Variants in DOCK2 observed in about 807,000 individuals in gnomAD.
The protein encoded by DOCK2 is dedicator of cytokinesis 2.
A neutral mutation model predicts 248.9 loss-of-function variants in DOCK2; 87 were observed. The observed-to-expected ratio is 0.35, with a 90% CI of 0.29 to 0.42. The LOEUF (loss-of-function observed/expected upper bound fraction) is 0.42, where lower values mean the gene tolerates loss of function less well. Ranked by LOEUF, DOCK2 falls within the 10% of genes least tolerant of loss-of-function variation. DOCK2 has a pLI of 1.00. For missense variants in DOCK2, 1,747 were observed against 2,300.2 expected (o/e 0.76, Z 4.92); for synonymous variants, 805 against 821.6 (o/e 0.98, Z 0.35).
chr5:169,969,880 C>G (rs1777437968), intron 27 of DOCK2, among the ~76,000 whole-genome samples: 1 of 152,252 alleles, frequency 6.6e-6, no homozygotes, highest in African/African-American at 2.4e-5. Context: ...GCTGGATCTT[C>G]CAAATGTCCA....
At chr5:169,883,955 AG>A (rs35400869) in intron 27 of DOCK2, 2 of 1,404,056 alleles carry the variant, frequency 1.4e-6, no homozygotes, top group East Asian at 5.0e-5. Flanking sequence ...ATCTCCCCTT[AG>A]GTCTTTGGAG....
chr5:169,819,099 G>A lies in DOCK2; in HGVS notation c.2703+15893G>A, dbSNP rs56248901. Among the ~76,000 whole-genome samples the A allele has an allele frequency of 4.9e-3, 750 of 152,306 alleles. 8 individuals carry two copies. The highest frequency in any genetic ancestry group is 9.2e-3 in the Non-Finnish European group (625 of 68,028). On this transcript the variant is annotated intron_variant, in intron 26 of 51. Coordinates refer to ENST00000520908, the MANE Select transcript of DOCK2 (RefSeq NM_004946.3). ...ATGACATGATTCAGTGAAGGTAAGT[G>A]TAGTTAACCTTTCCAGAAATACCCG...
At chr5:170,035,323 A>C (rs1170151329) in intron 35 of DOCK2, among the ~76,000 whole-genome samples, 1 of 152,188 alleles carries the variant, frequency 6.6e-6, no homozygotes, top group Non-Finnish European at 1.5e-5. Context: ...CCTCCCTACC[A>C]TTCCCAAGGC....
At chr5:170,048,493 T>TA (rs1411026036) in intron 40 of DOCK2, among the ~76,000 whole-genome samples, 4 of 152,192 alleles carry the variant, frequency 2.6e-5, no homozygotes, top group African/African-American at 9.6e-5. Flanking sequence ...TATTTTCCAA[T>TA]AAAAAATCAG....
intron 27 of DOCK2, among the ~76,000 whole-genome samples, chr5:169,917,383 A>AT (rs1314495560): frequency 5.9e-5 from 9 of 152,030 alleles, no homozygotes; most frequent in Non-Finnish European, 8.8e-5. Flanking sequence ...TTGCTTAGAG[A>AT]TTTTTTTCCA....
At chr5:170,062,751 C>T (rs1757375409) in intron 44 of DOCK2, among the ~76,000 whole-genome samples, 1 of 152,152 alleles carries the variant, frequency 6.6e-6, no homozygotes, top group Non-Finnish European at 1.5e-5. Context: ...TGCACATGAA[C>T]TTTCAGGCAT....
rs562285656 is a variant in DOCK2 at position 169,948,210 on chromosome 5, C to A, written c.2800-34858C>A. ...AGTTATTTGTCTGCTGTGACCTAGG[C>A]TCTGAAGATACTGTGGGGAACAGTG... On this transcript the variant is annotated intron_variant, in intron 27 of 51. Coordinates refer to ENST00000520908, the MANE Select transcript of DOCK2 (RefSeq NM_004946.3). Among the ~76,000 whole-genome samples the A allele has an allele frequency of 5.5e-4, 83 of 152,254 alleles. No individual in the cohort carries two copies. The Middle Eastern group carries it at 0.02, about 37-fold the overall frequency.
At chr5:169,856,435 CT>C (rs1331066941) in intron 27 of DOCK2, among the ~76,000 whole-genome samples, 2 of 152,086 alleles carry the variant, frequency 1.3e-5, no homozygotes. Context: ...TGAGGTTCAT[CT>C]GAGATTTTTG....
intron 27 of DOCK2, among the ~76,000 whole-genome samples, chr5:169,970,432 A>G (rs1289132124): frequency 6.6e-6 from 1 of 152,238 alleles, no homozygotes; most frequent in African/African-American, 2.4e-5. Context: ...AAGAACAATC[A>G]CTTTGTTTGT....
chr5:169,802,435 T>C, intron 25 of DOCK2, among the ~76,000 whole-genome samples: 1 of 152,224 alleles, frequency 6.6e-6, no homozygotes, highest in Non-Finnish European at 1.5e-5. Flanking sequence ...TTGTACTGTC[T>C]GTACCAGAGA....
intron 27 of DOCK2, among the ~76,000 whole-genome samples, chr5:169,949,229 G>A (rs1264363732): frequency 6.6e-6 from 1 of 152,156 alleles, no homozygotes; most frequent in African/African-American, 2.4e-5. Flanking sequence ...CGACTACTAT[G>A]TGCAGAATGT....
At chr5:169,831,289 C>G (rs1191381182) in intron 26 of DOCK2, among the ~76,000 whole-genome samples, 2 of 151,946 alleles carry the variant, frequency 1.3e-5, no homozygotes, top group African/African-American at 2.4e-5. Flanking sequence ...GGATATTTTT[C>G]CAGGTCAAGA....
At chr5:169,773,845 G>A (rs561668020) in intron 25 of DOCK2, among the ~76,000 whole-genome samples, 1 of 152,254 alleles carries the variant, frequency 6.6e-6, no homozygotes, top group South Asian at 2.1e-4. Context: ...TCTCATGGTA[G>A]TGAATAAGTC....
chr5:169,922,793 A>G (rs111530354), intron 27 of DOCK2, among the ~76,000 whole-genome samples: 45 of 152,322 alleles, frequency 3.0e-4, no homozygotes, highest in African/African-American at 9.1e-4. Context: ...TTGATTGGAT[A>G]TAACCTACAT....
At position 169,711,934 on chromosome 5, in the gene DOCK2, G is replaced by T; in HGVS notation, c.1483-1G>T. 3 of 1,613,932 alleles carry T rather than the reference G, an allele frequency of 1.9e-6. No individual in the cohort carries two copies. The highest frequency in any genetic ancestry group is 2.5e-6 in the Non-Finnish European group (3 of 1,179,940). On this transcript the variant is annotated splice_acceptor_variant, in intron 15 of 51. Coordinates refer to ENST00000520908, the MANE Select transcript of DOCK2 (RefSeq NM_004946.3). LOFTEE classifies it high-confidence loss of function. ...TCTGAGCTCTGTTTCTGTCTGCTGA[G>T]GTGGCTGTCCCTATTGAAGACATGC...
chr5:169,879,178 G>A (rs1772495538), intron 27 of DOCK2, among the ~76,000 whole-genome samples: 1 of 152,152 alleles, frequency 6.6e-6, no homozygotes, highest in African/African-American at 2.4e-5. Context: ...AGACCCAGTG[G>A]GCAATCCATC....
rs1248380098 is a variant in DOCK2 at position 169,800,944 on chromosome 5, C to CTTTCTTTT, written c.2555-2111_2555-2110insCTTTTTTT. 5.2e-3 allele frequency among the ~76,000 whole-genome samples: 275 copies of CTTTCTTTT among 53,184 alleles called. 24 individuals carry two copies. The highest frequency in any genetic ancestry group is 0.02 in the African/African-American group (142 of 7,152). 34.9% of individuals were successfully genotyped at this position (53,184 alleles called of 152,430 possible). On this transcript the variant is annotated intron_variant, in intron 25 of 51. Coordinates refer to ENST00000520908, the MANE Select transcript of DOCK2 (RefSeq NM_004946.3). The stretch of plus-strand genomic sequence containing the variant: ...TTTTTCTTTTTTCTTTTCTTTCTTT[C>CTTTCTTTT]TTTTTTTTTTTTTTTTTTTTTTTTT...
At chr5:169,688,763 G>A (rs774940697) in intron 8 of DOCK2, among the ~76,000 whole-genome samples, 1 of 152,142 alleles carries the variant, frequency 6.6e-6, no homozygotes, top group Non-Finnish European at 1.5e-5. Flanking sequence ...GACCCTATAT[G>A]ACCCATCACT....
At position 170,017,683 on chromosome 5, in the gene DOCK2, A is replaced by G. The variant is rs563917210; in HGVS notation, c.3233-1277A>G. On this transcript the variant is annotated intron_variant, in intron 32 of 51. Transcript: ENST00000520908. ...TAAGATAAATACTGTTATTGTTCCA[A>G]GTTACAGATGAGGACACCGAGGCCC... Among the ~76,000 whole-genome samples the G allele has an allele frequency of 5.9e-5, 9 of 152,284 alleles. No individual in the cohort carries two copies. The South Asian group carries it at 1.0e-3, about 18-fold the overall frequency.
Sources: gnomAD v4.1 joint callset for allele counts (sites outside exome capture counted in the v4.1 genomes callset) on GRCh38, gnomAD v4.1.1 for gene constraint, MANE v1.5 for transcripts, NCBI Gene and HGNC (gene_info 2026-07-23, HGNC 2026-07-21) for gene names.